The following MAGI2 variants were observed in gnomAD, a reference collection of about 807,000 sequenced individuals.
The protein encoded by MAGI2 is membrane-associated guanylate kinase, WW and PDZ domain-containing protein 2.
In MAGI2, 35 loss-of-function variants were observed where a neutral mutation model predicts 133.3. The observed-to-expected ratio is 0.26, with a 90% CI of 0.20 to 0.35. The LOEUF (loss-of-function observed/expected upper bound fraction) is 0.35, where lower values mean the gene tolerates loss of function less well. Among genes scored for constraint, MAGI2 ranks in the 10% least tolerant of loss-of-function variants. MAGI2 has a pLI of 1.00. For missense variants in MAGI2, 1,636 were observed against 1,863.4 expected, an observed-to-expected ratio of 0.88 and a Z score of 2.25; for synonymous variants, 729 against 710.6, an observed-to-expected ratio of 1.03 and a Z score of -0.41.
intron 1 of MAGI2, among the ~76,000 whole-genome samples, chr7:79,021,783 T>G (rs1234412652): frequency 2.0e-5 from 3 of 152,118 alleles, no homozygotes; most frequent in African/African-American, 7.2e-5. Flanking sequence ...CATAATTGTG[T>G]TTTGAAATGT....
intron 3 of MAGI2, among the ~76,000 whole-genome samples, chr7:78,589,111 T>A (rs774933443): frequency 5.3e-5 from 8 of 152,162 alleles, no homozygotes; most frequent in Non-Finnish European, 1.2e-4. Context: ...ATCACAGAGC[T>A]GTTTCCTGAT....
chr7:78,746,365 C>T (rs1563446259), intron 2 of MAGI2, among the ~76,000 whole-genome samples: 1 of 152,160 alleles, frequency 6.6e-6, no homozygotes, highest in Non-Finnish European at 1.5e-5. Context: ...GATTTGAACT[C>T]TAAGCTCCCT....
chr7:78,392,715 C>T (rs1796006279), intron 6 of MAGI2, among the ~76,000 whole-genome samples: 1 of 152,168 alleles, frequency 6.6e-6, no homozygotes, highest in Non-Finnish European at 1.5e-5. Context: ...GCAATCTTGG[C>T]TCACTGCAAC....
intron 21 of MAGI2, among the ~76,000 whole-genome samples, chr7:78,042,799 C>T (rs182046090): frequency 1.8e-4 from 28 of 152,298 alleles, no homozygotes; most frequent in East Asian, 1.7e-3. Context: ...GAATTACTCC[C>T]GATAAATAAG....
chr7:78,426,773 G>C (rs866736565), intron 6 of MAGI2, among the ~76,000 whole-genome samples: 2 of 152,050 alleles, frequency 1.3e-5, no homozygotes, highest in South Asian at 4.1e-4. Context: ...AGATTCAAAA[G>C]TTCATTGGAT....
At chr7:78,423,401 T>C (rs1295948101) in intron 6 of MAGI2, among the ~76,000 whole-genome samples, 1 of 152,178 alleles carries the variant, frequency 6.6e-6, no homozygotes, top group Non-Finnish European at 1.5e-5. Context: ...CTTTTGTAAA[T>C]TGCCCAGTCT....
At chr7:78,548,357 G>A (rs1203691387) in intron 3 of MAGI2, among the ~76,000 whole-genome samples, 1 of 152,184 alleles carries the variant, frequency 6.6e-6, no homozygotes, top group Non-Finnish European at 1.5e-5. Flanking sequence ...AATAGGATAA[G>A]TCTAAAGGCT....
At chr7:79,335,045 G>T (rs1840342129) in intron 1 of MAGI2, among the ~76,000 whole-genome samples, 1 of 152,074 alleles carries the variant, frequency 6.6e-6, no homozygotes, top group Non-Finnish European at 1.5e-5. Context: ...GGTTTACATG[G>T]CTGAGCTACG....
intron 2 of MAGI2, among the ~76,000 whole-genome samples, chr7:78,836,929 C>T (rs1791676676): frequency 6.6e-6 from 1 of 152,150 alleles, no homozygotes; most frequent in African/African-American, 2.4e-5. Flanking sequence ...TTTGTGTTTA[C>T]ATAGGTGTCT....
chr7:78,670,980 G>C (rs1044879013), intron 2 of MAGI2, among the ~76,000 whole-genome samples: 1 of 152,094 alleles, frequency 6.6e-6, no homozygotes, highest in Non-Finnish European at 1.5e-5. Context: ...AATACTTTAA[G>C]ACTCTATGAT....
chr7:78,524,309 T>C (rs546577312), intron 3 of MAGI2, among the ~76,000 whole-genome samples: 1 of 152,180 alleles, frequency 6.6e-6, no homozygotes, highest in Admixed American at 6.5e-5. Flanking sequence ...AAATCTCCAC[T>C]CCATTTGCCT....
At chr7:78,524,971 T>A in intron 3 of MAGI2, among the ~76,000 whole-genome samples, 1 of 152,092 alleles carries the variant, frequency 6.6e-6, no homozygotes, top group Non-Finnish European at 1.5e-5. Context: ...CTATTTGTCT[T>A]GTCAATTTAA....
At chr7:78,386,099 A>G (rs1012405) in intron 6 of MAGI2, among the ~76,000 whole-genome samples, 130,461 of 152,112 alleles carry the variant, frequency 0.86, 56,327 homozygotes, top group African/African-American at 0.95. Flanking sequence ...CCTCTGCAGC[A>G]TTCCTGGGCA....
At chr7:78,103,110 T>C (rs1818348984) in intron 20 of MAGI2, among the ~76,000 whole-genome samples, 1 of 152,194 alleles carries the variant, frequency 6.6e-6, no homozygotes, top group Non-Finnish European at 1.5e-5. Flanking sequence ...TTCACCTCTT[T>C]TAGGGAATCT....
In MAGI2 at chr7:78,627,246, A is replaced by G. The variant is rs1011556670; in HGVS notation, c.419-7T>C. On this transcript the variant is annotated splice_polypyrimidine_tract_variant and splice_region_variant and intron_variant, in intron 2 of 21. Coordinates refer to ENST00000354212, the MANE Select transcript of MAGI2 (RefSeq NM_012301.4). ...TTATGTGGCCTTGTGGTGCCTGAAT[A>G]AAGAAAAGTAAAAACAAAAGAAAGA... 3.9e-6 allele frequency: 6 copies of G among 1,527,456 alleles called. No homozygotes were observed. The African/African-American group carries it at 4.3e-5, about 11-fold the overall frequency. The allele number at this position is 1,527,456 out of a possible 1,614,324, so 94.6% of individuals were successfully genotyped here. A position where few individuals can be genotyped will look rare whatever the true frequency, so the allele number is the denominator to read the frequency against.
At chr7:78,283,925 A>G (rs1002772330) in intron 9 of MAGI2, among the ~76,000 whole-genome samples, 1 of 152,146 alleles carries the variant, frequency 6.6e-6, no homozygotes, top group Non-Finnish European at 1.5e-5. Flanking sequence ...AAAATTGATG[A>G]AAAATATTAC....
At chr7:78,870,896 T>C (rs1348739906) in intron 2 of MAGI2, among the ~76,000 whole-genome samples, 2 of 152,182 alleles carry the variant, frequency 1.3e-5, no homozygotes, top group African/African-American at 4.8e-5. Flanking sequence ...TGGCATTCTC[T>C]GCAACCTGGG....
intron 1 of MAGI2, among the ~76,000 whole-genome samples, chr7:79,272,780 T>A (rs1214760981): frequency 6.6e-6 from 1 of 152,066 alleles, no homozygotes; most frequent in Non-Finnish European, 1.5e-5. Flanking sequence ...AGAGTTTTAG[T>A]TCAGACAAAT....
chr7:78,459,840 A>G (rs1225615737), intron 6 of MAGI2, among the ~76,000 whole-genome samples: 1 of 152,230 alleles, frequency 6.6e-6, no homozygotes, highest in Non-Finnish European at 1.5e-5. Context: ...CATTTATTTA[A>G]GCTGACAAGA....
Sources: allele counts gnomAD v4.1 joint callset (sites outside exome capture counted in the v4.1 genomes callset), GRCh38; gene constraint gnomAD v4.1.1; transcripts MANE v1.5; gene names NCBI Gene and HGNC (gene_info 2026-07-23, HGNC 2026-07-21).